GPRIN3: variants seen among roughly 807,000 people sequenced by gnomAD.
The protein encoded by GPRIN3 is G protein-regulated inducer of neurite outgrowth 3.
Under a neutral mutation model 13.7 loss-of-function variants are expected in GPRIN3, and 12 were observed. That is an observed-to-expected ratio of 0.87 (90% CI 0.56 to 1.42). The LOEUF is 1.42. Ranked by LOEUF, GPRIN3 falls within the 40% of genes most tolerant of loss-of-function variation. The pLI is 0.00. For synonymous variants in GPRIN3, 377 were observed against 372.7 expected, an observed-to-expected ratio of 1.01 and a Z score of -0.13; for missense variants, 1,009 against 958.7, an observed-to-expected ratio of 1.05 and a Z score of -0.69.
At position 89,247,319 on chromosome 4, in the gene GPRIN3, A is replaced by G. The variant is rs1251620798; in HGVS notation, c.*461T>C. 6.5e-6 allele frequency: 1 copy of G among 153,558 alleles called. No homozygotes were observed. The highest frequency in any genetic ancestry group is 1.4e-5 in the Non-Finnish European group (1 of 69,042). 9.5% of individuals were successfully genotyped at this position (153,558 alleles called of 1,614,324 possible). A position where few individuals can be genotyped will look rare whatever the true frequency, so the allele number is the denominator to read the frequency against. ...TCACCTATTTATAATTTGTGTGGTT[A>G]CAGCATTCTTACTGCAATAAGACTA... On this transcript the variant is annotated 3_prime_UTR_variant, in exon 2 of 2. Transcript: ENST00000609438.
chr4:89,289,253 A>T (rs1724506720), intron 1 of GPRIN3, among the ~76,000 whole-genome samples: 1 of 151,662 alleles, frequency 6.6e-6, no homozygotes, highest in South Asian at 2.1e-4. Flanking sequence ...CGGGCCAGAT[A>T]TCTGACCTGC....
intron 1 of GPRIN3, among the ~76,000 whole-genome samples, chr4:89,254,512 T>A (rs1373829323): frequency 1.3e-5 from 2 of 152,202 alleles, no homozygotes; most frequent in Non-Finnish European, 2.9e-5. Context: ...TTGCTAAGGA[T>A]AATGGCCTCC....
rs1386655755 is a variant in GPRIN3 at position 89,244,092 on chromosome 4, T to C, written c.*3688A>G. On this transcript the variant is annotated 3_prime_UTR_variant, in exon 2 of 2. Transcript: ENST00000609438. ...CTTGGTATGCTATATATAGGGATTC[T>C]CAGAATGACAGGCATTCCCAGAAAT... 6.6e-6 allele frequency: 1 copy of C among 152,228 alleles called. No individual in the cohort carries two copies. The highest frequency in any genetic ancestry group is 1.5e-5 in the Non-Finnish European group (1 of 68,038). 9.4% of individuals were successfully genotyped at this position (152,228 alleles called of 1,614,324 possible).
intron 1 of GPRIN3, among the ~76,000 whole-genome samples, chr4:89,278,144 T>C (rs992304890): frequency 6.6e-6 from 1 of 152,176 alleles, no homozygotes; most frequent in African/African-American, 2.4e-5. Context: ...CTCGGGGACA[T>C]GAGTGACATG....
chr4:89,262,109 G>C (rs149156197), intron 1 of GPRIN3, among the ~76,000 whole-genome samples: 2 of 143,386 alleles, frequency 1.4e-5, no homozygotes, highest in African/African-American at 5.2e-5. Flanking sequence ...CTAGATGACG[G>C]AGTGAGACCC....
At chr4:89,297,325 G>A (rs1340422426) in intron 1 of GPRIN3, among the ~76,000 whole-genome samples, 1 of 152,160 alleles carries the variant, frequency 6.6e-6, no homozygotes, top group Non-Finnish European at 1.5e-5. Flanking sequence ...TATATATGGA[G>A]ACATGTATTA....
chr4:89,287,505 G>A (rs957513570), intron 1 of GPRIN3, among the ~76,000 whole-genome samples: 3 of 152,180 alleles, frequency 2.0e-5, no homozygotes, highest in Admixed American at 2.0e-4. Context: ...AAGAGGCTAA[G>A]GAAAGATTTA....
In GPRIN3 at chr4:89,247,511, AC is replaced by A. The variant is rs1723136201; in HGVS notation, c.*268del. The A allele has an allele frequency of 5.3e-6, 2 of 374,384 alleles. No homozygotes were observed. The highest frequency in any genetic ancestry group is 9.5e-6 in the Non-Finnish European group (2 of 209,954). 23.2% of individuals were successfully genotyped at this position (374,384 alleles called of 1,614,324 possible). A position where few individuals can be genotyped will look rare whatever the true frequency, so the allele number is the denominator to read the frequency against. On this transcript the variant is annotated 3_prime_UTR_variant, in exon 2 of 2. Transcript: ENST00000609438. Reference sequence around the variant, plus strand: ...TATGAACAACATCATATTTTTAAAAACCCAGTGAGTATTATTTTCAATTTGT... The same window carrying A: ...TATGAACAACATCATATTTTTAAAAACCAGTGAGTATTATTTTCAATTTGT...
chr4:89,242,631 G>C lies in GPRIN3; in HGVS notation c.*5149C>G, dbSNP rs1722974927. On this transcript the variant is annotated 3_prime_UTR_variant, in exon 2 of 2. Transcript: ENST00000609438. ...ACTATGCCTTTGCTTATTTTATCCT[G>C]TGGGTTACAGTCAGTCTTCATAAAG... is the stretch of plus-strand genomic sequence containing the variant. 1 of 152,134 alleles carries C rather than the reference G, an allele frequency of 6.6e-6. No individual in the cohort carries two copies. The highest frequency in any genetic ancestry group is 1.5e-5 in the Non-Finnish European group (1 of 68,022). The allele number at this position is 152,134 out of a possible 1,614,324, so 9.4% of individuals were successfully genotyped here. A position where few individuals can be genotyped will look rare whatever the true frequency, so the allele number is the denominator to read the frequency against.
chr4:89,249,832 T>A lies in GPRIN3; in HGVS notation c.279A>T (p.Thr93=), dbSNP rs1296023836. Residue 93 remains threonine (T), a synonymous_variant, in exon 2 of 2, where the codon ACA becomes ACT. Transcript: ENST00000609438. ...GCTGGGGATTGCCGGGAGAGTTGAA[T>A]GTGGCAGGTGCTTTCTGCACTTCAT... is the stretch of plus-strand genomic sequence containing the variant. ...VFNEVQKAPA[T]FNSPGNPQLP... 6.2e-7 allele frequency: 1 copy of A among 1,614,186 alleles called. No homozygotes were observed. The highest frequency in any genetic ancestry group is 8.5e-7 in the Non-Finnish European group (1 of 1,180,012).
Position 89,249,925 on chromosome 4 carries a change from G to A in GPRIN3, c.186C>T (p.Ala62=), listed in dbSNP as rs769417242. ...GCTCACAAACCTGCATCAGGGCTTC[G>A]GCAGCTGCCCTGGGGCTGAGGTCTG... ...AEPDLSPRAA[A]EALMQVCEHE... is the part of the protein sequence containing the mutation. Residue 62 remains alanine, a synonymous_variant, in exon 2 of 2, where the codon GCC becomes GCT. Transcript: ENST00000609438. The A allele has an allele frequency of 1.5e-5, 24 of 1,614,072 alleles. No individual in the cohort carries two copies. The highest frequency in any genetic ancestry group is 7.7e-5 in the South Asian group (7 of 91,082).
rs1157114292 is a variant in GPRIN3, at chr4:89,247,269, CTCA to C, written c.*508_*510del. 6.6e-6 allele frequency: 1 copy of C among 152,320 alleles called. No individual in the cohort carries two copies. The highest frequency in any genetic ancestry group is 1.5e-5 in the Non-Finnish European group (1 of 68,226). 9.4% of individuals were successfully genotyped at this position (152,320 alleles called of 1,614,324 possible). ...GGCCTAGGAATGAATCAAATATGTT[CTCA>C]TTTTTTTCATTATGGTTCTTATCAC... is the stretch of plus-strand genomic sequence containing the variant. On this transcript the variant is annotated 3_prime_UTR_variant, in exon 2 of 2. Transcript: ENST00000609438.
intron 1 of GPRIN3, among the ~76,000 whole-genome samples, chr4:89,297,372 G>C (rs1724766645): frequency 6.6e-6 from 1 of 152,112 alleles, no homozygotes; most frequent in Non-Finnish European, 1.5e-5. Context: ...ATGGCAAAGT[G>C]CCTCAAGTGT....
chr4:89,273,256 A>G (rs1438028255), intron 1 of GPRIN3, among the ~76,000 whole-genome samples: 1 of 152,268 alleles, frequency 6.6e-6, no homozygotes, highest in African/African-American at 2.4e-5. Flanking sequence ...ACATCAATTT[A>G]GAATGTAACA....
intron 1 of GPRIN3, among the ~76,000 whole-genome samples, chr4:89,291,333 C>T (rs1026673899): frequency 3.3e-5 from 5 of 152,110 alleles, no homozygotes; most frequent in Admixed American, 6.5e-5. Flanking sequence ...CCCTTCATGA[C>T]ACTTTGTAGT....
At chr4:89,283,452 A>G (rs1410890870) in intron 1 of GPRIN3, among the ~76,000 whole-genome samples, 1 of 151,862 alleles carries the variant, frequency 6.6e-6, no homozygotes, top group Non-Finnish European at 1.5e-5. Context: ...ACAGGGAAGG[A>G]AAAAAATACC....
At chr4:89,254,120 T>C (rs906116438) in intron 1 of GPRIN3, among the ~76,000 whole-genome samples, 2 of 144,240 alleles carry the variant, frequency 1.4e-5, no homozygotes, top group African/African-American at 5.4e-5. Context: ...AAGGGTGTGT[T>C]GCATCTGGGT....
In GPRIN3 at chr4:89,289,014, T is replaced by A. The variant is rs1001812378; in HGVS notation, c.-124+18601A>T. ...CTCTCTGACATTTTCCTATGTCGAC[T>A]TTTCTTTCCACTTTCAGATCATCCC... is the stretch of plus-strand genomic sequence containing the variant. On this transcript the variant is annotated intron_variant, in intron 1 of 1. Transcript: ENST00000609438. Among the ~76,000 whole-genome samples, 5 of 151,958 alleles carry A rather than the reference T, an allele frequency of 3.3e-5. No homozygotes were observed. The East Asian group carries it at 9.7e-4, about 29-fold the overall frequency.
intron 1 of GPRIN3, among the ~76,000 whole-genome samples, chr4:89,285,621 A>G (rs1434043181): frequency 1.3e-5 from 2 of 152,174 alleles, no homozygotes; most frequent in African/African-American, 4.8e-5. Flanking sequence ...CTGCATCACA[A>G]ATATCTCAAC....
Sources: gnomAD v4.1 joint callset for allele counts (sites outside exome capture counted in the v4.1 genomes callset) on GRCh38, gnomAD v4.1.1 for gene constraint, MANE v1.5 for transcripts, NCBI Gene and HGNC (gene_info 2026-07-23, HGNC 2026-07-21) for gene names.